TK2: variants seen among roughly 807,000 people sequenced by gnomAD.
The protein encoded by TK2 is thymidine kinase 2, also known as thymidine kinase 2, mitochondrial.
In TK2, 35 loss-of-function variants were observed where a neutral mutation model predicts 41.9. The observed-to-expected ratio is 0.84, with a 90% CI of 0.64 to 1.11. The LOEUF (loss-of-function observed/expected upper bound fraction) is 1.11. Among genes scored for constraint, TK2 ranks in the 50% least tolerant of loss-of-function variants. TK2 has a pLI of 0.00. For synonymous variants in TK2, 128 were observed against 129.1 expected (o/e 0.99, Z 0.06); for missense variants, 320 against 351.1 (o/e 0.91, Z 0.71).
At chr16:66,513,914 G>T in intron 8 of TK2, 103 bp from the exon 9 acceptor site, 7 of 994,890 alleles carry the variant, frequency 7.0e-6, no homozygotes, top group Non-Finnish European at 1.1e-5. Context: ...ACCATGGGCA[G>T]TGACTCAGAC....
chr16:66,533,186 C>T (rs946558411), intron 4 of TK2, among the ~76,000 whole-genome samples: 3 of 151,390 alleles, frequency 2.0e-5, no homozygotes, highest in Non-Finnish European at 4.4e-5. Context: ...TCTCCTGCCT[C>T]AGCCTCCCAA....
intron 6 of TK2, among the ~76,000 whole-genome samples, chr16:66,520,592 C>T (rs1964751541): frequency 1.3e-5 from 2 of 152,210 alleles, no homozygotes; most frequent in Admixed American, 6.5e-5. Context: ...TAGCAAGACA[C>T]CTGCCCTTAC....
intron 6 of TK2, among the ~76,000 whole-genome samples, chr16:66,525,790 G>C (rs1032237213): frequency 1.3e-5 from 2 of 152,214 alleles, no homozygotes; most frequent in South Asian, 2.1e-4. Context: ...CCCAAGAACA[G>C]AAAGGACACT....
At chr16:66,533,594 T>A (rs189560753) in intron 4 of TK2, among the ~76,000 whole-genome samples, 165 of 152,146 alleles carry the variant, frequency 1.1e-3, no homozygotes, top group Non-Finnish European at 1.4e-3. Flanking sequence ...TTTAAAGAAG[T>A]TAAGCTCTTT....
Position 66,517,986 on chromosome 16 carries a change from T to C in TK2, c.450-109A>G. ...TCTCAATGAAAGGAGTCACCAAGGG[T>C]ACCAGGGCACAGTGTGATCCGTGCA... is the stretch of plus-strand genomic sequence containing the variant. On this transcript the variant is annotated intron_variant, in intron 6 of 9. Transcript: ENST00000544898. The surrounding 1 kb of genome is among the most constrained non-coding windows in gnomAD (Gnocchi z 4.3). 1.1e-6 allele frequency: 1 copy of C among 885,190 alleles called. No homozygotes were observed. Among genetic ancestry groups the C allele is most frequent in the African/African-American group, 1.6e-5 (1 of 61,028 alleles). 54.8% of individuals were successfully genotyped at this position (885,190 alleles called of 1,614,324 possible). A position where few individuals can be genotyped will look rare whatever the true frequency, so the allele number is the denominator to read the frequency against.
intron 3 of TK2, among the ~76,000 whole-genome samples, chr16:66,540,173 C>CTTTTTTTTTTTTTTTTT (rs200305417): frequency 3.1e-5 from 4 of 130,782 alleles, no homozygotes; most frequent in South Asian, 2.5e-4. Context: ...TTTCTTTTTT[C>CTTTTTTTTTTTTTTTTT]TTTTTTTTTT....
chr16:66,529,272 C>T (rs1965034453), intron 5 of TK2, among the ~76,000 whole-genome samples: 1 of 152,230 alleles, frequency 6.6e-6, no homozygotes, highest in Non-Finnish European at 1.5e-5. Context: ...CTGTGTCCCC[C>T]TTCCACCCTG....
chr16:66,520,816 C>T (rs1465416782), intron 6 of TK2, among the ~76,000 whole-genome samples: 1 of 152,168 alleles, frequency 6.6e-6, no homozygotes, highest in African/African-American at 2.4e-5. Flanking sequence ...ATTTGATGTT[C>T]AAGAAACCAA....
chr16:66,518,107 A>G, intron 6 of TK2: 2 of 565,314 alleles, frequency 3.5e-6, no homozygotes, highest in South Asian at 3.8e-5. Context: ...CATGGCACGG[A>G]GTGATGGGAG....
intron 6 of TK2, 103 bp downstream of exon 6, chr16:66,528,891 A>G: frequency 1.8e-6 from 2 of 1,102,996 alleles, no homozygotes; most frequent in Non-Finnish European, 2.7e-6. Context: ...GATAACTGAT[A>G]CAACAGCGGG....
intron 9 of TK2, among the ~76,000 whole-genome samples, chr16:66,513,059 C>T (rs940903002): frequency 6.6e-6 from 1 of 152,272 alleles, no homozygotes; most frequent in East Asian, 1.9e-4. Flanking sequence ...CCCCAGACTC[C>T]GCATTTCTTG....
At chr16:66,527,042 T>C (rs1042270376) in intron 6 of TK2, among the ~76,000 whole-genome samples, 36 of 152,326 alleles carry the variant, frequency 2.4e-4, no homozygotes, top group African/African-American at 8.4e-4. Context: ...CTCGCTCTCC[T>C]CTGTCCTGCC....
Position 66,549,981 on chromosome 16 carries a change from T to C in TK2, c.81A>G (p.Ser27=), listed in dbSNP as rs762709387. The C allele has an allele frequency of 6.6e-7, 1 of 1,504,122 alleles. No homozygotes were observed. The highest frequency in any genetic ancestry group is 1.3e-5 in the South Asian group (1 of 78,698). 93.2% of individuals were successfully genotyped at this position (1,504,122 alleles called of 1,614,324 possible). The change falls in exon 1 of 10, where the codon TCA becomes TCG. Residue 27 remains serine (S), a synonymous_variant. Coordinates refer to ENST00000544898, the MANE Select transcript of TK2 (RefSeq NM_004614.5). ...FGPGSRGSPA[S]GPGPRRVQRR... is the part of the protein sequence containing the mutation. ...GCTGCACCCTCCGCGGCCCGGGGCC[T>C]GAGGCCGGGCTCCCGCGACTTCCCG... is the stretch of plus-strand genomic sequence containing the variant.
intron 6 of TK2, among the ~76,000 whole-genome samples, chr16:66,521,366 C>T (rs1201653265): frequency 6.6e-6 from 1 of 152,202 alleles, no homozygotes; most frequent in African/African-American, 2.4e-5. Flanking sequence ...CCTCCCACTC[C>T]CACCCCCATC....
chr16:66,529,249 C>T (rs1965033525), intron 5 of TK2, among the ~76,000 whole-genome samples, 182 bp from the exon 6 acceptor site: 2 of 152,234 alleles, frequency 1.3e-5, no homozygotes, highest in African/African-American at 4.8e-5. Context: ...CCACATCTGC[C>T]ACCAGGCTCA....
chr16:66,549,077 C>CA, intron 1 of TK2, 68 bp from the exon 2 acceptor site: 1 of 1,605,794 alleles, frequency 6.2e-7, no homozygotes, highest in Admixed American at 1.7e-5. Flanking sequence ...TAATTTGCTA[C>CA]ATGACCACAA....
At chr16:66,536,441 G>A (rs1015688480) in intron 4 of TK2, among the ~76,000 whole-genome samples, 1 of 152,142 alleles carries the variant, frequency 6.6e-6, no homozygotes, top group African/African-American at 2.4e-5. Flanking sequence ...TGGGGAAGGT[G>A]AAGGAAGGGA....
In TK2 at chr16:66,532,869, A is replaced by G. The variant is rs1263092105; in HGVS notation, c.286-1400T>C. On this transcript the variant is annotated intron_variant, in intron 4 of 9. Coordinates refer to ENST00000544898, the MANE Select transcript of TK2 (RefSeq NM_004614.5). ...TATGACAGTCTTTGCAAAAATAGGG[A>G]AAAAAAAAATCCTAAAATTGATATG... is the stretch of plus-strand genomic sequence containing the variant. Among the ~76,000 whole-genome samples, 43 of 115,418 alleles carry G rather than the reference A, an allele frequency of 3.7e-4. 1 individual carries two copies. In the Admixed American group the frequency reaches 3.8e-3, roughly 10 times the overall value. 75.7% of individuals were successfully genotyped at this position (115,418 alleles called of 152,430 possible). A position where few individuals can be genotyped will look rare whatever the true frequency, so the allele number is the denominator to read the frequency against.
intron 6 of TK2, 176 bp from the exon 7 acceptor site, chr16:66,518,053 C>T: frequency 1.5e-6 from 1 of 668,056 alleles, no homozygotes; most frequent in South Asian, 1.5e-5. Flanking sequence ...CATTCCCGAC[C>T]TCCTGCTGCC....
Sources: allele counts gnomAD v4.1 joint callset (sites outside exome capture counted in the v4.1 genomes callset), GRCh38; gene constraint gnomAD v4.1.1; non-coding constraint Gnocchi (gnomAD v3.1); transcripts MANE v1.5; gene names NCBI Gene and HGNC (gene_info 2026-07-23, HGNC 2026-07-21).